Variants in CAMKMT observed in about 807,000 individuals in gnomAD.
CAMKMT encodes CaM KMT.
CAMKMT carries 53 observed loss-of-function variants against 48.0 expected under a neutral mutation model. That is an observed-to-expected ratio of 1.10 (90% CI 0.89 to 1.39). The LOEUF (loss-of-function observed/expected upper bound fraction) is 1.39, where lower values mean the gene tolerates loss of function less well. Among genes scored for constraint, CAMKMT ranks in the 40% most tolerant of loss-of-function variants. The pLI is 0.00. For synonymous variants in CAMKMT, 165 were observed against 152.3 expected (o/e 1.08, Z -0.61); for missense variants, 428 against 402.7 (o/e 1.06, Z -0.54).
chr2:44,376,094 A>C (rs1363561545), intron 2 of CAMKMT, among the ~76,000 whole-genome samples: 1 of 151,428 alleles, frequency 6.6e-6, no homozygotes, highest in East Asian at 2.0e-4. Flanking sequence ...AGCCTGCTCC[A>C]GGTTCTATTA....
At chr2:44,577,680 A>AGAGAGGGAGAGGGAGACGGAGAGG (rs1195710401) in intron 3 of CAMKMT, among the ~76,000 whole-genome samples, 1 of 148,556 alleles carries the variant, frequency 6.7e-6, no homozygotes, top group Admixed American at 6.7e-5. Flanking sequence ...AGAGGGAGAC[A>AGAGAGGGAGAGGGAGACGGAGAGG]GAGAGGGAGA....
intron 3 of CAMKMT, among the ~76,000 whole-genome samples, chr2:44,648,415 C>T (rs1673871954): frequency 2.0e-5 from 3 of 152,080 alleles, no homozygotes; most frequent in Admixed American, 1.3e-4. Flanking sequence ...AATTTAAAAT[C>T]TCATATGAGG....
At chr2:44,455,089 A>G (rs978160455) in intron 3 of CAMKMT, among the ~76,000 whole-genome samples, 6 of 152,174 alleles carry the variant, frequency 3.9e-5, no homozygotes, top group Admixed American at 2.6e-4. Flanking sequence ...CTTGAAAGGT[A>G]TTTTAACTTT....
intron 3 of CAMKMT, among the ~76,000 whole-genome samples, chr2:44,575,376 GC>G (rs1669160063): frequency 6.6e-6 from 1 of 152,030 alleles, no homozygotes; most frequent in African/African-American, 2.4e-5. Context: ...ACCACGCCCA[GC>G]CCTTCTCCAT....
chr2:44,637,802 C>A (rs1004384650), intron 3 of CAMKMT, among the ~76,000 whole-genome samples: 1 of 152,002 alleles, frequency 6.6e-6, no homozygotes, highest in African/African-American at 2.4e-5. Context: ...CACGGTGGCT[C>A]ACGCCTGTAA....
At chr2:44,658,751 A>G (rs1430583037) in intron 3 of CAMKMT, among the ~76,000 whole-genome samples, 1 of 152,166 alleles carries the variant, frequency 6.6e-6, no homozygotes, top group Non-Finnish European at 1.5e-5. Context: ...CTTGTAACAG[A>G]TAACTCTAAT....
chr2:44,545,598 G>A (rs2103628979), intron 3 of CAMKMT, among the ~76,000 whole-genome samples: 1 of 151,496 alleles, frequency 6.6e-6, no homozygotes. Flanking sequence ...GAGATACAGG[G>A]AGGTTGTGAC....
intron 1 of CAMKMT, among the ~76,000 whole-genome samples, chr2:44,367,873 A>G (rs1678772674): frequency 6.6e-6 from 1 of 152,222 alleles, no homozygotes; most frequent in Non-Finnish European, 1.5e-5. Context: ...CTACTCTTCT[A>G]AAAGATTTTC....
intron 3 of CAMKMT, among the ~76,000 whole-genome samples, chr2:44,434,549 T>C (rs901884726): frequency 6.6e-6 from 1 of 152,206 alleles, no homozygotes; most frequent in African/African-American, 2.4e-5. Context: ...TCCTACTGTA[T>C]GGTAATTATC....
chr2:44,732,390 A>G (rs1446128192), intron 7 of CAMKMT, among the ~76,000 whole-genome samples: 1 of 152,260 alleles, frequency 6.6e-6, no homozygotes, highest in Non-Finnish European at 1.5e-5. Flanking sequence ...TAAAATGGAG[A>G]GAATATAAAT....
rs149901546 is a variant in CAMKMT, at chr2:44,500,113, G to A, written c.376+109808G>A. On this transcript the variant is annotated intron_variant, in intron 3 of 10. Transcript: ENST00000378494. ...AAGGACAATATCCTGCGAAACTGTT[G>A]ACTAAAATATAAGCACAGAACCACA... 9.1e-3 allele frequency among the ~76,000 whole-genome samples: 1,392 copies of A among 152,196 alleles called. 25 individuals carry two copies. The highest frequency in any genetic ancestry group is 0.082 in the South Asian group (393 of 4,816).
intron 1 of CAMKMT, among the ~76,000 whole-genome samples, chr2:44,370,883 T>C (rs1021642292): frequency 2.0e-5 from 3 of 152,224 alleles, no homozygotes; most frequent in Non-Finnish European, 4.4e-5. Flanking sequence ...TCATCATTGC[T>C]CACTACAACC....
chr2:44,713,633 A>G (rs1036934537), intron 6 of CAMKMT, among the ~76,000 whole-genome samples: 3 of 152,128 alleles, frequency 2.0e-5, no homozygotes, highest in African/African-American at 7.2e-5. Flanking sequence ...TGCATACAGG[A>G]AAGTTCACCC....
intron 7 of CAMKMT, among the ~76,000 whole-genome samples, chr2:44,720,953 G>A (rs1392271513): frequency 1.3e-5 from 2 of 151,690 alleles, no homozygotes; most frequent in Admixed American, 6.6e-5. Flanking sequence ...TTTTTTCTTC[G>A]ATTATATTTT....
intron 2 of CAMKMT, among the ~76,000 whole-genome samples, chr2:44,385,290 G>A (rs1328369439): frequency 1.3e-5 from 2 of 152,056 alleles, no homozygotes; most frequent in Middle Eastern, 3.4e-3. Context: ...CTTGGTTGCC[G>A]TTGGTGTATA....
At chr2:44,403,400 C>CA (rs972732537) in intron 3 of CAMKMT, among the ~76,000 whole-genome samples, 117 of 152,272 alleles carry the variant, frequency 7.7e-4, no homozygotes, top group African/African-American at 2.7e-3. Context: ...CAGGATGGAG[C>CA]AAGGGTAGTT....
intron 3 of CAMKMT, among the ~76,000 whole-genome samples, chr2:44,491,098 C>T (rs1014153005): frequency 6.8e-6 from 1 of 147,440 alleles, no homozygotes; most frequent in East Asian, 2.0e-4. Context: ...TTGCAGTGAG[C>T]TGAGAGCACG....
intron 3 of CAMKMT, among the ~76,000 whole-genome samples, chr2:44,625,377 C>G (rs923826421): frequency 6.6e-6 from 1 of 151,948 alleles, no homozygotes; most frequent in Non-Finnish European, 1.5e-5. Context: ...CTGTATATAA[C>G]CTATACAAAT....
At chr2:44,707,539 A>G in intron 6 of CAMKMT, 77 bp downstream of exon 6, 1 of 1,230,924 alleles carries the variant, frequency 8.1e-7, no homozygotes, top group South Asian at 1.3e-5. Context: ...GATATAAAGA[A>G]AGACAGCATG....
Sources: allele counts gnomAD v4.1 joint callset (sites outside exome capture counted in the v4.1 genomes callset), GRCh38; gene constraint gnomAD v4.1.1; transcripts MANE v1.5; gene names NCBI Gene and HGNC (gene_info 2026-07-23, HGNC 2026-07-21).